ARK2C: variants seen among roughly 807,000 people sequenced by gnomAD.
ARK2C encodes the protein arkadia (RNF111) C-terminal like ring finger ubiquitin ligase 2C.
chr18:46,403,850 C>A, the ARK2C span, among the ~76,000 whole-genome samples: 1 of 152,090 alleles, frequency 6.6e-6, no homozygotes, highest in African/African-American at 2.4e-5. Flanking sequence ...TGCACTCCAG[C>A]CTGGCAACAG....
the ARK2C span, among the ~76,000 whole-genome samples, chr18:46,354,272 C>T: frequency 6.6e-6 from 1 of 152,194 alleles, no homozygotes; most frequent in African/African-American, 2.4e-5. Context: ...TTTGCTAGGC[C>T]AGGGATTGGG....
the ARK2C span, among the ~76,000 whole-genome samples, chr18:46,397,559 G>GGT: frequency 0.057 from 4,737 of 83,642 alleles, 348 homozygotes; most frequent in Non-Finnish European, 0.079. Context: ...GGGGTGTGAG[G>GGT]GTGTGTGTGT....
At chr18:46,451,450 T>C in the ARK2C span, among the ~76,000 whole-genome samples, 2 of 152,088 alleles carry the variant, frequency 1.3e-5, no homozygotes, top group African/African-American at 4.8e-5. Flanking sequence ...AGATGAAAGA[T>C]AGATAAACAT....
the ARK2C span, among the ~76,000 whole-genome samples, chr18:46,416,965 T>C: frequency 2.0e-5 from 3 of 152,146 alleles, no homozygotes; most frequent in East Asian, 5.8e-4. Context: ...GGGAGGAGCT[T>C]GTATGGGAGG....
chr18:46,379,908 C>A, the ARK2C span, among the ~76,000 whole-genome samples: 1 of 152,224 alleles, frequency 6.6e-6, no homozygotes, highest in Admixed American at 6.5e-5. Context: ...GCCTCCTTGG[C>A]CCACTGGGAC....
chr18:46,334,086 G>T, the ARK2C span: 1 of 158,474 alleles, frequency 6.3e-6, no homozygotes, highest in South Asian at 1.7e-4. The surrounding 1 kb of genome is among the most constrained non-coding windows in gnomAD (Gnocchi z 4.4). Context: ...AGAGGGGCCG[G>T]GAAGGGAGCC....
chr18:46,442,237 G>T, the ARK2C span, among the ~76,000 whole-genome samples: 1 of 151,152 alleles, frequency 6.6e-6, no homozygotes, highest in Non-Finnish European at 1.5e-5. Flanking sequence ...TTATTTCACT[G>T]ATTTCTGATC....
chr18:46,352,258 C>T, the ARK2C span, among the ~76,000 whole-genome samples: 1 of 152,142 alleles, frequency 6.6e-6, no homozygotes, highest in East Asian at 1.9e-4. Flanking sequence ...GGGAAGGCAG[C>T]CAGTATGGAC....
the ARK2C span, among the ~76,000 whole-genome samples, chr18:46,343,110 G>A: frequency 2.6e-5 from 4 of 152,176 alleles, no homozygotes; most frequent in Non-Finnish European, 4.4e-5. Context: ...GTTCTAGGCC[G>A]CTTGGTGCTG....
chr18:46,383,550 G>GTTTTTTTTTTTTT, the ARK2C span, among the ~76,000 whole-genome samples: 5 of 97,890 alleles, frequency 5.1e-5, no homozygotes, highest in Non-Finnish European at 7.9e-5. Flanking sequence ...GGTTTTCTCT[G>GTTTTTTTTTTTTT]TTTTTTTTTT....
the ARK2C span, among the ~76,000 whole-genome samples, chr18:46,395,793 C>A: frequency 6.6e-6 from 1 of 152,212 alleles, no homozygotes; most frequent in Non-Finnish European, 1.5e-5. Flanking sequence ...CCTAAGAATT[C>A]TCTTACTTCC....
the ARK2C span, among the ~76,000 whole-genome samples, chr18:46,442,887 A>T: frequency 6.6e-6 from 1 of 152,200 alleles, no homozygotes; most frequent in South Asian, 2.1e-4. Flanking sequence ...TATCATTATG[A>T]AACATCCTTC....
chr18:46,435,211 C>T, the ARK2C span: 1 of 1,314,488 alleles, frequency 7.6e-7, no homozygotes, highest in Admixed American at 1.7e-5. Flanking sequence ...CTCAGGCTGC[C>T]CCGGTTTCTC....
the ARK2C span, chr18:46,447,774 G>A: frequency 6.6e-7 from 1 of 1,526,184 alleles, no homozygotes; most frequent in Non-Finnish European, 9.1e-7. Context: ...TGCCCTGGCT[G>A]CTACATGGCC....
the ARK2C span, among the ~76,000 whole-genome samples, chr18:46,384,353 G>A: frequency 6.6e-6 from 1 of 152,344 alleles, no homozygotes; most frequent in South Asian, 2.1e-4. Context: ...ACATGTATGT[G>A]TGTGGGGGGG....
the ARK2C span, among the ~76,000 whole-genome samples, chr18:46,455,122 C>T: frequency 1.2e-4 from 18 of 152,276 alleles, no homozygotes; most frequent in African/African-American, 4.3e-4. Context: ...TACGATAGTG[C>T]CTATCTTAAG....
the ARK2C span, chr18:46,334,341 G>C: frequency 3.2e-6 from 5 of 1,582,598 alleles, no homozygotes; most frequent in Non-Finnish European, 4.3e-6. This position sits in a 1 kb window ranked among gnomAD's most constrained non-coding sequence, Gnocchi z 4.4. Flanking sequence ...CAGAGGTATC[G>C]CTTTTTCCTT....
At chr18:46,335,413 T>C in the ARK2C span, 1 of 152,240 alleles carries the variant, frequency 6.6e-6, no homozygotes, top group Non-Finnish European at 1.5e-5. Context: ...CATTTTCTTT[T>C]AATAAAAAAT....
At chr18:46,412,257 C>T in the ARK2C span, among the ~76,000 whole-genome samples, 1 of 152,254 alleles carries the variant, frequency 6.6e-6, no homozygotes, top group Non-Finnish European at 1.5e-5. Context: ...GAAGGATGGA[C>T]TCCTGGGGCC....
Sources: gnomAD v4.1 joint callset for allele counts (sites outside exome capture counted in the v4.1 genomes callset) on GRCh38, gnomAD v4.1.1 for gene constraint, Gnocchi (gnomAD v3.1) non-coding constraint, MANE v1.5 for transcripts, NCBI Gene and HGNC (gene_info 2026-07-23, HGNC 2026-07-21) for gene names.